The following MBNL1 variants were observed in gnomAD, a reference collection of about 807,000 sequenced individuals.
MBNL1 encodes the protein muscleblind-like protein 1.
A neutral mutation model predicts 42.2 loss-of-function variants in MBNL1; 8 were observed. The observed-to-expected ratio is 0.19, with a 90% confidence interval of 0.11 to 0.34. MBNL1 has a LOEUF of 0.34. Among genes scored for constraint, MBNL1 ranks in the 10% least tolerant of loss-of-function variants. MBNL1 has a pLI of 1.00. For synonymous variants in MBNL1, 169 were observed against 173.9 expected (o/e 0.97, Z 0.22); for missense variants, 309 against 495.3 (o/e 0.62, Z 3.57).
At chr3:152,269,368 C>A (rs1280343852) in intron 1 of MBNL1, 1 of 354,682 alleles carries the variant, frequency 2.8e-6, no homozygotes, top group Admixed American at 3.6e-5. Context: ...GGCAGCCCAG[C>A]GGGACCCAGG....
At chr3:152,411,955 G>A (rs1172780828) in intron 2 of MBNL1, among the ~76,000 whole-genome samples, 1 of 152,168 alleles carries the variant, frequency 6.6e-6, no homozygotes, top group East Asian at 1.9e-4. Flanking sequence ...TAGAGTTAGA[G>A]TAGAATTCAT....
At chr3:152,361,353 TC>T in intron 2 of MBNL1, among the ~76,000 whole-genome samples, 1 of 151,522 alleles carries the variant, frequency 6.6e-6, no homozygotes. Flanking sequence ...GGCAGGCAGA[TC>T]TTTCTGTGTA....
intron 7 of MBNL1, among the ~76,000 whole-genome samples, 172 bp from the exon 8 acceptor site, chr3:152,456,095 A>T (rs1164902790): frequency 6.6e-6 from 1 of 151,192 alleles, no homozygotes; most frequent in Non-Finnish European, 1.5e-5. Flanking sequence ...CTCTCCTTGG[A>T]ATGTTGTCCT....
Position 152,465,355 on chromosome 3 carries a change from T to G in MBNL1, c.*2989T>G, listed in dbSNP as rs1749982958. The G allele has an allele frequency of 6.6e-6, 1 of 152,532 alleles. No individual in the cohort carries two copies. Among genetic ancestry groups the G allele is most frequent in the African/African-American group, 2.4e-5 (1 of 41,454 alleles). 9.4% of individuals were successfully genotyped at this position (152,532 alleles called of 1,614,324 possible). ...TAAACAGGCAAACCAAACAGCACACTGTAGCTATAGTTGTTATGTGATTGT... is the reference window on the plus strand; with the variant it reads ...TAAACAGGCAAACCAAACAGCACACGGTAGCTATAGTTGTTATGTGATTGT... On this transcript the variant is annotated 3_prime_UTR_variant, in exon 10 of 10. Coordinates refer to ENST00000324210, the MANE Select transcript of MBNL1 (RefSeq NM_021038.5).
intron 2 of MBNL1, among the ~76,000 whole-genome samples, chr3:152,345,111 G>T (rs946761026): frequency 8.6e-5 from 13 of 151,528 alleles, no homozygotes; most frequent in African/African-American, 2.9e-4. Flanking sequence ...AATTCCTAAT[G>T]CCTGTTTTTA....
chr3:152,394,891 A>C (rs2097860460), intron 2 of MBNL1, among the ~76,000 whole-genome samples: 1 of 151,950 alleles, frequency 6.6e-6, no homozygotes, highest in Non-Finnish European at 1.5e-5. Context: ...AGGGAGTCTC[A>C]CTCTATTGCC....
At chr3:152,414,631 C>A (rs536769241) in intron 2 of MBNL1, among the ~76,000 whole-genome samples, 14 of 152,128 alleles carry the variant, frequency 9.2e-5, no homozygotes, top group African/African-American at 3.4e-4. Flanking sequence ...GTTTGATATT[C>A]TATGTTTTAG....
intron 2 of MBNL1, among the ~76,000 whole-genome samples, chr3:152,357,528 G>C (rs1268042371): frequency 6.6e-6 from 1 of 152,160 alleles, no homozygotes; most frequent in Admixed American, 6.5e-5. Context: ...TCAGCCACGG[G>C]TGGGTGTGGG....
intron 2 of MBNL1, among the ~76,000 whole-genome samples, chr3:152,251,657 T>A (rs2034557800): frequency 6.6e-6 from 1 of 152,116 alleles, no homozygotes; most frequent in African/African-American, 2.4e-5. Context: ...TTCCCCATGA[T>A]TAGATTACGG....
At position 152,462,454 on chromosome 3, in the gene MBNL1, A is replaced by G. The variant is rs1747831514; in HGVS notation, c.*88A>G. The G allele has an allele frequency of 6.6e-6, 1 of 152,174 alleles. No homozygotes were observed. Among genetic ancestry groups the G allele is most frequent in the South Asian group, 2.1e-4 (1 of 4,830 alleles). The allele number at this position is 152,174 out of a possible 1,614,324, so 9.4% of individuals were successfully genotyped here. On this transcript the variant is annotated 3_prime_UTR_variant, in exon 10 of 10. Coordinates refer to ENST00000324210, the MANE Select transcript of MBNL1 (RefSeq NM_021038.5). ...GACGAGGTCATTAGCCATATTGTAT[A>G]TATCGTCAAGCAACACACACAAAAG... is the stretch of plus-strand genomic sequence containing the variant.
intron 3 of MBNL1, among the ~76,000 whole-genome samples, chr3:152,425,573 A>G (rs191839946): frequency 7.2e-5 from 11 of 151,770 alleles, no homozygotes; most frequent in Non-Finnish European, 1.6e-4. Flanking sequence ...ACGCCACTGC[A>G]CTCCAGCCTG....
chr3:152,395,955 T>G (rs1457110155), intron 2 of MBNL1, among the ~76,000 whole-genome samples: 1 of 152,148 alleles, frequency 6.6e-6, no homozygotes, highest in African/African-American at 2.4e-5. Context: ...GAGTGGCTGA[T>G]GAGTGGATGA....
intron 9 of MBNL1, among the ~76,000 whole-genome samples, chr3:152,461,343 A>C (rs937462270): frequency 3.9e-5 from 6 of 152,220 alleles, no homozygotes; most frequent in Non-Finnish European, 5.9e-5. Context: ...AAAGGTTCAG[A>C]TTCTGAACAA....
intron 2 of MBNL1, among the ~76,000 whole-genome samples, chr3:152,376,322 A>G (rs1192788411): frequency 6.6e-6 from 1 of 152,200 alleles, no homozygotes; most frequent in Non-Finnish European, 1.5e-5. Context: ...TGTCTCAGAA[A>G]AGTCTCACAT....
At chr3:152,423,099 C>A (rs1176854226) in intron 3 of MBNL1, among the ~76,000 whole-genome samples, 2 of 152,162 alleles carry the variant, frequency 1.3e-5, no homozygotes, top group Non-Finnish European at 2.9e-5. Context: ...AGGATCAGAG[C>A]AGGGCTGAAG....
At chr3:152,248,330 T>C (rs963469048) in intron 2 of MBNL1, among the ~76,000 whole-genome samples, 8 of 152,042 alleles carry the variant, frequency 5.3e-5, no homozygotes, top group Non-Finnish European at 7.4e-5. Flanking sequence ...CCAGAAACTC[T>C]TGTTACACTT....
intron 1 of MBNL1, 102 bp downstream of exon 1, chr3:152,269,194 C>T: frequency 2.6e-6 from 1 of 389,294 alleles, no homozygotes; most frequent in Non-Finnish European, 5.2e-6. Flanking sequence ...TGCTCGCCGG[C>T]CGCGGTTCTC....
At chr3:152,290,761 C>G (rs2055450122) in intron 1 of MBNL1, among the ~76,000 whole-genome samples, 1 of 152,028 alleles carries the variant, frequency 6.6e-6, no homozygotes, top group African/African-American at 2.4e-5. Context: ...TAAAATAATA[C>G]TCATTTAAGT....
chr3:152,397,673 C>G (rs900709677), intron 2 of MBNL1, among the ~76,000 whole-genome samples: 2 of 152,072 alleles, frequency 1.3e-5, no homozygotes, highest in Admixed American at 1.3e-4. Flanking sequence ...TTTCTTGGTC[C>G]TTTCATGGTA....
Sources: allele counts gnomAD v4.1 joint callset (sites outside exome capture counted in the v4.1 genomes callset), GRCh38; gene constraint gnomAD v4.1.1; transcripts MANE v1.5; gene names NCBI Gene and HGNC (gene_info 2026-07-23, HGNC 2026-07-21).